SLC27A5: variants seen among roughly 807,000 people sequenced by gnomAD.
SLC27A5 encodes solute carrier family 27 member 5.
A neutral mutation model predicts 63.1 loss-of-function variants in SLC27A5; 47 were observed. The ratio of observed to expected loss-of-function variants is 0.74; its 90% confidence interval spans 0.59 to 0.95. The LOEUF (loss-of-function observed/expected upper bound fraction) is 0.95. SLC27A5 is among the 40% of genes least tolerant of loss of function. The pLI is 0.00. For synonymous variants in SLC27A5, 391 were observed against 403.8 expected, an observed-to-expected ratio of 0.97 and a Z score of 0.38; for missense variants, 940 against 921.0, an observed-to-expected ratio of 1.02 and a Z score of -0.27.
intron 3 of SLC27A5, among the ~76,000 whole-genome samples, chr19:58,502,707 T>TGACATGCAGAGGCAGGGGGG (rs1282138602): frequency 6.9e-6 from 1 of 144,846 alleles, no homozygotes; most frequent in African/African-American, 2.6e-5. Flanking sequence ...GGGTGGACAG[T>TGACATGCAGAGGCAGGGGGG]TAGAGTAGTG....
In SLC27A5 at chr19:58,498,788, G is replaced by C. The variant is rs1381679861; in HGVS notation, c.1893C>G (p.Ile631Met). 5 of 1,613,884 alleles carry C rather than the reference G, an allele frequency of 3.1e-6. No individual in the cohort carries two copies. Among genetic ancestry groups the C allele is most frequent in the Non-Finnish European group, 4.2e-6 (5 of 1,179,904 alleles). Residue 631 changes from isoleucine to methionine, a missense_variant, in exon 9 of 10, where the codon ATC becomes ATG. By Grantham distance (10) the Ile-to-Met change is conservative. Transcript: ENST00000263093. ...PAYATPHFIR[I>M]QDAMEVTSTF... The stretch of plus-strand genomic sequence containing the variant: ...CACCAGGCCACCCTGGGCTCACCTG[G>C]ATGCGGATGAAATGGGGGGTAGCGT...
intron 1 of SLC27A5, 86 bp from the exon 2 acceptor site, chr19:58,511,016 G>A (rs1300344951): frequency 1.8e-6 from 2 of 1,131,638 alleles, no homozygotes; most frequent in South Asian, 1.6e-5. Flanking sequence ...GATGCAGGCA[G>A]AGGAGCAGCT....
rs1189683594 is a variant in SLC27A5, at chr19:58,511,380, C to G, written c.576G>C (p.Leu192=). 1 of 1,608,658 alleles carries G rather than the reference C, an allele frequency of 6.2e-7. No individual in the cohort carries two copies. Among genetic ancestry groups the G allele is most frequent in the Non-Finnish European group, 8.5e-7 (1 of 1,177,440 alleles). The part of the protein sequence containing the change: ...SQAVPALCMW[L]GLAKLGCPTA... Reference sequence around the variant, plus strand: ...TTGGGCAGCCCAGCTTGGCCAGCCCCAGCCACATACACAGGGCTGGAACGG... The same window carrying G: ...TTGGGCAGCCCAGCTTGGCCAGCCCGAGCCACATACACAGGGCTGGAACGG... Residue 192 remains leucine, a synonymous_variant, in exon 1 of 10, where the codon CTG becomes CTC. Transcript: ENST00000263093.
intron 3 of SLC27A5, among the ~76,000 whole-genome samples, chr19:58,502,933 GA>G (rs2053297203): frequency 6.6e-6 from 1 of 152,092 alleles, no homozygotes; most frequent in Non-Finnish European, 1.5e-5. Flanking sequence ...GTGGCTGGGT[GA>G]GGATCGTCAC....
rs768528812 is a variant in SLC27A5, at chr19:58,510,003, G to A, written c.901C>T (p.Leu301Phe). 7 of 1,613,082 alleles carry A rather than the reference G, an allele frequency of 4.3e-6. No homozygotes were observed. Among genetic ancestry groups the A allele is most frequent in the Non-Finnish European group, 5.9e-6 (7 of 1,179,530 alleles). Residue 301 changes from leucine to phenylalanine, a missense_variant and splice_region_variant, in exon 3 of 10, where the codon CTC becomes TTC. Transcript: ENST00000263093. ...LFIYTSGTTG[L>F]PKPAILTHER... ...TGCGTGAGGATGGCTGGCTTCGGGA[G>A]GCCTTGGGATGAAGGCATGGCAAGG...
Position 58,509,923 on chromosome 19 carries a change from A to T in SLC27A5, c.981T>A (p.Asp327Glu), listed in dbSNP as rs2053390360. 6.2e-7 allele frequency: 1 copy of T among 1,613,962 alleles called. No homozygotes were observed. The change falls in exon 3 of 10, where the codon GAT becomes GAA. Residue 327 changes from aspartate to glutamate, a missense_variant. Transcript: ENST00000263093. ...GAGGCAGGACCGTGTAAACCACATCATCAGCTGTGGCCCCAGATAAGGACA... is the reference window on the plus strand; with the variant it reads ...GAGGCAGGACCGTGTAAACCACATCTTCAGCTGTGGCCCCAGATAAGGACA... ...KMLSLSGATA[D>E]DVVYTVLPLY...
At chr19:58,502,940 G>GTGGC (rs1568629220) in intron 3 of SLC27A5, among the ~76,000 whole-genome samples, 2 of 151,738 alleles carry the variant, frequency 1.3e-5, no homozygotes, top group East Asian at 1.9e-4. Context: ...GGTGAGGATC[G>GTGGC]TCACGCCTGT....
Position 58,511,758 on chromosome 19 carries a change from C to T in SLC27A5, c.198G>A (p.Leu66=). Residue 66 remains leucine (L), a synonymous_variant, in exon 1 of 10, where the codon CTG becomes CTA. Transcript: ENST00000263093. ...LGPWVPHGLS[L]AAAALALTLL... is the part of the protein sequence containing the mutation. Reference sequence around the variant, plus strand: ...GGGTTAGTGCCAGGGCCGCAGCTGCCAGGCTCAGCCCATGGGGCACCCAGG... The same window carrying T: ...GGGTTAGTGCCAGGGCCGCAGCTGCTAGGCTCAGCCCATGGGGCACCCAGG... 1 of 1,550,450 alleles carries T rather than the reference C, an allele frequency of 6.4e-7. No individual in the cohort carries two copies. Among genetic ancestry groups the T allele is most frequent in the Non-Finnish European group, 8.7e-7 (1 of 1,146,376 alleles).
In SLC27A5 at chr19:58,498,539, C is replaced by A. The variant is rs552597468; in HGVS notation, c.2049G>T (p.Val683=). ...RPLTAEMYQA[V]CEGTWRL ...ATCAGAGCCTCCAGGTTCCCTCACA[C>A]ACAGCCTGGTACATTTCTGCCGTCA... The change falls in exon 10 of 10, where the codon GTG becomes GTT. Residue 683 remains valine, a synonymous_variant. Coordinates refer to ENST00000263093, the MANE Select transcript of SLC27A5 (RefSeq NM_012254.3). 32 of 1,613,146 alleles carry A rather than the reference C, an allele frequency of 2.0e-5. No homozygotes were observed. The highest frequency in any genetic ancestry group is 2.5e-5 in the Non-Finnish European group (30 of 1,179,506).
rs1341614805 is a variant in SLC27A5 at position 58,499,625 on chromosome 19, G to A, written c.1534C>T (p.Arg512Ter). 2 of 1,612,712 alleles carry A rather than the reference G, an allele frequency of 1.2e-6. No homozygotes were observed. The highest frequency in any genetic ancestry group is 1.7e-6 in the Non-Finnish European group (2 of 1,180,012). ...ACCAGCTTCCGTTCCGACAGCTCTCGGGGGCCGCGGTAGCCCACGAAGGGT... is the reference window on the plus strand; with the variant it reads ...ACCAGCTTCCGTTCCGACAGCTCTCAGGGGCCGCGGTAGCCCACGAAGGGT... Reference protein sequence around the residue: ...QQPFVGYRGPRELSERKLVRN... With the variant: ...QQPFVGYRGP The change falls in exon 7 of 10, where the codon CGA (arginine) becomes TGA (stop). Residue 512 changes from arginine (R) to a stop codon, truncating the protein, a stop_gained. Coordinates refer to ENST00000263093, the MANE Select transcript of SLC27A5 (RefSeq NM_012254.3). LOFTEE classifies it high-confidence loss of function.
intron 3 of SLC27A5, among the ~76,000 whole-genome samples, chr19:58,505,098 C>CTTTT (rs398035153): frequency 9.2e-6 from 1 of 108,792 alleles, no homozygotes. Context: ...ACTATTTTCA[C>CTTTT]TTTTTTTTTT....
Position 58,509,870 on chromosome 19 carries a change from C to A in SLC27A5, c.1034G>T (p.Gly345Val). ...PLYHVMGLVVGILGCLDLGAT... is the reference protein window; with the variant it reads ...PLYHVMGLVVVILGCLDLGAT... ...ACCGAGATCTAAGCAGCCGAGGATCCCAACGACAAGTCCCATCACGTGGTA... is the reference window on the plus strand; with the variant it reads ...ACCGAGATCTAAGCAGCCGAGGATCACAACGACAAGTCCCATCACGTGGTA... The change falls in exon 3 of 10, where the codon GGG becomes GTG. Residue 345 changes from glycine to valine, a missense_variant. Physicochemically the swap from Gly to Val is moderately radical, Grantham distance 109. Transcript: ENST00000263093. The A allele has an allele frequency of 1.2e-6, 2 of 1,613,102 alleles. No individual in the cohort carries two copies. Among genetic ancestry groups the A allele is most frequent in the Non-Finnish European group, 8.5e-7 (1 of 1,179,468 alleles).
At chr19:58,507,085 G>A (rs913040153) in intron 3 of SLC27A5, among the ~76,000 whole-genome samples, 32 of 151,528 alleles carry the variant, frequency 2.1e-4, no homozygotes, top group South Asian at 1.0e-3. Flanking sequence ...TTGGCCGGGC[G>A]CGGTGGCTCA....
chr19:58,501,129 T>C lies in SLC27A5; in HGVS notation c.1182+157A>G. On this transcript the variant is annotated intron_variant, in intron 4 of 9. Coordinates refer to ENST00000263093, the MANE Select transcript of SLC27A5 (RefSeq NM_012254.3). ...GGTAGCACAGCTATCAAAGAAACCA[T>C]TATTGGAAGCCTTGTCTGAAACTCA... 5 of 1,250,078 alleles carry C rather than the reference T, an allele frequency of 4.0e-6. No homozygotes were observed. The South Asian group carries it at 8.1e-5, about 20-fold the overall frequency. 77.4% of individuals were successfully genotyped at this position (1,250,078 alleles called of 1,614,324 possible). A position where few individuals can be genotyped will look rare whatever the true frequency, so the allele number is the denominator to read the frequency against.
Position 58,498,540 on chromosome 19 carries a change from A to G in SLC27A5, c.2048T>C (p.Val683Ala). The G allele has an allele frequency of 6.2e-7, 1 of 1,613,348 alleles. No individual in the cohort carries two copies. The highest frequency in any genetic ancestry group is 1.1e-5 in the South Asian group (1 of 91,024). The change falls in exon 10 of 10, where the codon GTG becomes GCG. Residue 683 changes from valine to alanine, a missense_variant. Transcript: ENST00000263093. Reference protein sequence around the residue: ...RPLTAEMYQAVCEGTWRL With the variant: ...RPLTAEMYQAACEGTWRL ...TCAGAGCCTCCAGGTTCCCTCACAC[A>G]CAGCCTGGTACATTTCTGCCGTCAG...
At chr19:58,504,777 G>T (rs1231365027) in intron 3 of SLC27A5, among the ~76,000 whole-genome samples, 1 of 151,832 alleles carries the variant, frequency 6.6e-6, no homozygotes, top group Non-Finnish European at 1.5e-5. Flanking sequence ...AGGCCGAGGC[G>T]GGCGGATCAC....
At chr19:58,510,553 GAC>G (rs1438910115) in intron 2 of SLC27A5, 166 bp downstream of exon 2, 1 of 615,440 alleles carries the variant, frequency 1.6e-6, no homozygotes, top group African/African-American at 1.9e-5. Flanking sequence ...CAGCCTAGGC[GAC>G]AGAGCGAGAC....
In SLC27A5 at chr19:58,511,491, C is replaced by T. The variant is rs759103284; in HGVS notation, c.465G>A (p.Ala155=). The T allele has an allele frequency of 4.3e-5, 68 of 1,575,604 alleles. No individual in the cohort carries two copies. Among genetic ancestry groups the T allele is most frequent in the Non-Finnish European group, 5.0e-5 (58 of 1,160,948 alleles). ...FGELDARACQ[A]AWALKAELGD... ...CCAGCTCAGCCTTCAGGGCCCATGC[C>T]GCCTGGCAGGCCCGGGCATCCAGCT... Residue 155 remains alanine (A), a synonymous_variant, in exon 1 of 10, where the codon GCG becomes GCA. Coordinates refer to ENST00000263093, the MANE Select transcript of SLC27A5 (RefSeq NM_012254.3).
chr19:58,506,970 T>A (rs1041429416), intron 3 of SLC27A5, among the ~76,000 whole-genome samples: 5 of 151,568 alleles, frequency 3.3e-5, no homozygotes, highest in African/African-American at 4.8e-5. Flanking sequence ...CTTGAACTCC[T>A]GACCTCAGGT....
Sources: gnomAD v4.1 joint callset for allele counts (sites outside exome capture counted in the v4.1 genomes callset) on GRCh38, gnomAD v4.1.1 for gene constraint, MANE v1.5 for transcripts, NCBI Gene and HGNC (gene_info 2026-07-23, HGNC 2026-07-21) for gene names.